Variants in CREM observed in about 807,000 individuals in gnomAD.
The protein encoded by CREM is cAMP responsive element modulator.
In CREM, 13 loss-of-function variants were observed where a neutral mutation model predicts 37.3. That is an observed-to-expected ratio of 0.35 (90% CI 0.23 to 0.55). The LOEUF is 0.55. Ranked by LOEUF, CREM falls within the 20% of genes least tolerant of loss-of-function variation. CREM has a pLI of 0.88. For missense variants in CREM, 296 were observed against 362.3 expected (o/e 0.82, Z 1.49); for synonymous variants, 124 against 120.2 (o/e 1.03, Z -0.21).
intron 2 of CREM, among the ~76,000 whole-genome samples, chr10:35,141,244 A>T (rs548400706): frequency 6.6e-6 from 1 of 152,246 alleles, no homozygotes; most frequent in Non-Finnish European, 1.5e-5. Flanking sequence ...TCAATAAATG[A>T]TGGTTATAGT....
chr10:35,176,228 G>C (rs987566567), intron 3 of CREM, among the ~76,000 whole-genome samples: 1 of 152,174 alleles, frequency 6.6e-6, no homozygotes, highest in African/African-American at 2.4e-5. Context: ...TGGGGACTGA[G>C]TAATTGCAGA....
At chr10:35,188,432 C>T (rs55859103) in intron 6 of CREM, 44 bp downstream of exon 6, 1 of 1,492,100 alleles carries the variant, frequency 6.7e-7, no homozygotes, top group Non-Finnish European at 9.0e-7. Flanking sequence ...CTATGGATTA[C>T]TATATCACAC....
At chr10:35,166,506 G>A (rs1360526336) in intron 3 of CREM, among the ~76,000 whole-genome samples, 1 of 151,300 alleles carries the variant, frequency 6.6e-6, no homozygotes, top group Non-Finnish European at 1.5e-5. Flanking sequence ...TGGAGGTTGC[G>A]GTGAGCCCAG....
chr10:35,192,167 C>G (rs1211042714), intron 6 of CREM, among the ~76,000 whole-genome samples: 1 of 152,152 alleles, frequency 6.6e-6, no homozygotes, highest in African/African-American at 2.4e-5. Flanking sequence ...GCTTTCTGAT[C>G]CTCCTAATCA....
At chr10:35,127,244 CGCAGGAGGTGGAGGTGGAG>C (rs2087944900) in intron 1 of CREM, 51 bp downstream of exon 1, 1 of 153,376 alleles carries the variant, frequency 6.5e-6, no homozygotes, top group Admixed American at 6.5e-5. Flanking sequence ...GGCGACGCGG[CGCAGGAGGTGGAGGTGGAG>C]GCAGGAGGCG....
In CREM at chr10:35,148,751, G is replaced by A. The variant is rs529569867; in HGVS notation, c.168+260G>A. 3.7e-5 allele frequency: 12 copies of A among 325,838 alleles called. No individual in the cohort carries two copies. The South Asian group carries it at 5.6e-4, about 15-fold the overall frequency. 20.2% of individuals were successfully genotyped at this position (325,838 alleles called of 1,614,324 possible). ...CCTTCCTGAATATGTAATCCTCAAAGTATGATTTGAGAGGGTTGCTAATTC... is the reference window on the plus strand; with the variant it reads ...CCTTCCTGAATATGTAATCCTCAAAATATGATTTGAGAGGGTTGCTAATTC... On this transcript the variant is annotated intron_variant, in intron 3 of 7. Transcript: ENST00000685392.
chr10:35,202,871 T>C (rs1238764571), intron 6 of CREM, among the ~76,000 whole-genome samples: 2 of 152,220 alleles, frequency 1.3e-5, no homozygotes, highest in Non-Finnish European at 2.9e-5. Context: ...TTTAAAGTGG[T>C]ATTTTTTTCT....
At chr10:35,171,216 G>A (rs2093805104) in intron 3 of CREM, 1 of 119,938 alleles carries the variant, frequency 8.3e-6, no homozygotes, top group African/African-American at 3.1e-5. Flanking sequence ...CTGTCATCCA[G>A]GCTGGAGTGC....
intron 6 of CREM, among the ~76,000 whole-genome samples, chr10:35,200,049 C>A (rs751500692): frequency 4.6e-5 from 7 of 151,898 alleles, no homozygotes; most frequent in Non-Finnish European, 7.4e-5. Context: ...ACCAACACAC[C>A]CGGCTAATTT....
intron 6 of CREM, among the ~76,000 whole-genome samples, chr10:35,192,132 A>G (rs1746627271): frequency 6.6e-6 from 1 of 152,186 alleles, no homozygotes; most frequent in Admixed American, 6.5e-5. Flanking sequence ...TCCGGCAGCC[A>G]CCGGAAGCTG....
chr10:35,204,596 CAAAAA>C (rs397845623), intron 6 of CREM, among the ~76,000 whole-genome samples: 3 of 89,510 alleles, frequency 3.4e-5, no homozygotes. Flanking sequence ...AACTACGTCT[CAAAAA>C]AAAAAAAAAA....
At chr10:35,205,389 A>G (rs1564995344) in intron 6 of CREM, among the ~76,000 whole-genome samples, 1 of 152,222 alleles carries the variant, frequency 6.6e-6, no homozygotes, top group South Asian at 2.1e-4. Context: ...ATCTTTCCCC[A>G]GAGAAACTAG....
intron 3 of CREM, among the ~76,000 whole-genome samples, chr10:35,160,230 A>G (rs1161785834): frequency 1.3e-5 from 2 of 152,210 alleles, no homozygotes; most frequent in Non-Finnish European, 2.9e-5. Flanking sequence ...GTATTTGTGT[A>G]TCTAAACATA....
chr10:35,194,263 A>G (rs1354625869), intron 6 of CREM, among the ~76,000 whole-genome samples: 2 of 152,200 alleles, frequency 1.3e-5, no homozygotes. Flanking sequence ...ATTTCCTATA[A>G]TGATCCAGCT....
At chr10:35,187,255 AATTATATGT>A (rs891986316) in intron 5 of CREM, among the ~76,000 whole-genome samples, 1 of 113,216 alleles carries the variant, frequency 8.8e-6, no homozygotes, top group African/African-American at 3.4e-5. Flanking sequence ...TAACATATAT[AATTATATGT>A]ATGTTGGTTT....
intron 6 of CREM, among the ~76,000 whole-genome samples, chr10:35,194,761 T>TC (rs1320811192): frequency 6.6e-6 from 1 of 151,676 alleles, no homozygotes; most frequent in Non-Finnish European, 1.5e-5. Context: ...TTTTTAAATC[T>TC]CCAAGTGTTT....
chr10:35,175,216 G>T (rs1296717620), intron 3 of CREM, among the ~76,000 whole-genome samples: 1 of 152,222 alleles, frequency 6.6e-6, no homozygotes, highest in Non-Finnish European at 1.5e-5. Flanking sequence ...GGGAGGCCAA[G>T]GTGGGCAGAT....
rs563751463 is a variant in CREM at position 35,163,840 on chromosome 10, C to CA, written c.169-15040dup. Reference sequence around the variant, plus strand: ...CCGTCTCCAAAAAACAAAAAACAAACAAAAAAAAACAATTAGTTGAGTGTG... The same window carrying CA: ...CCGTCTCCAAAAAACAAAAAACAAACAAAAAAAAAACAATTAGTTGAGTGTG... On this transcript the variant is annotated intron_variant, in intron 3 of 7. Transcript: ENST00000685392. Among the ~76,000 whole-genome samples the CA allele has an allele frequency of 4.7e-3, 710 of 149,484 alleles. 2 individuals are homozygous for CA. The highest frequency in any genetic ancestry group is 7.7e-3 in the Non-Finnish European group (515 of 67,162).
intron 7 of CREM, among the ~76,000 whole-genome samples, chr10:35,209,001 A>G (rs550649232): frequency 1.3e-5 from 2 of 152,352 alleles, no homozygotes; most frequent in South Asian, 4.1e-4. Context: ...CCCAGTTTAC[A>G]GATGAGGACC....
Sources: allele counts gnomAD v4.1 joint callset (sites outside exome capture counted in the v4.1 genomes callset), GRCh38; gene constraint gnomAD v4.1.1; transcripts MANE v1.5; gene names NCBI Gene and HGNC (gene_info 2026-07-23, HGNC 2026-07-21).